Variants in SKAP2 observed in about 807,000 individuals in gnomAD.
The protein encoded by SKAP2 is src kinase associated phosphoprotein 2, also known as src kinase-associated phosphoprotein 2.
SKAP2 carries 28 observed loss-of-function variants against 54.9 expected under a neutral mutation model. That is an observed-to-expected ratio of 0.51 (90% CI 0.38 to 0.70). The LOEUF (loss-of-function observed/expected upper bound fraction) is 0.70. Ranked by LOEUF, SKAP2 falls within the 30% of genes least tolerant of loss-of-function variation. The pLI, the probability that SKAP2 is intolerant of heterozygous loss-of-function variation, is 0.00. For synonymous variants in SKAP2, 137 were observed against 134.3 expected, an observed-to-expected ratio of 1.02 and a Z score of -0.14; for missense variants, 356 against 424.1, an observed-to-expected ratio of 0.84 and a Z score of 1.41.
chr7:26,802,820 G>A (rs1266719722), intron 4 of SKAP2, among the ~76,000 whole-genome samples: 1 of 152,006 alleles, frequency 6.6e-6, no homozygotes, highest in African/African-American at 2.4e-5. Flanking sequence ...GACAGAGGTT[G>A]CAGTGAGTCA....
intron 4 of SKAP2, among the ~76,000 whole-genome samples, chr7:26,824,331 T>C (rs903349126): frequency 2.6e-5 from 4 of 152,158 alleles, no homozygotes; most frequent in Non-Finnish European, 4.4e-5. Context: ...TGGGAGGTAA[T>C]ATAGTAGTAA....
chr7:26,685,438 C>T (rs1286243764), intron 10 of SKAP2, among the ~76,000 whole-genome samples: 1 of 152,148 alleles, frequency 6.6e-6, no homozygotes, highest in East Asian at 1.9e-4. Flanking sequence ...TCTTTAGGGA[C>T]ATTTGTACCC....
At chr7:26,848,254 A>C (rs187767073) in intron 3 of SKAP2, among the ~76,000 whole-genome samples, 1 of 152,310 alleles carries the variant, frequency 6.6e-6, no homozygotes, top group Admixed American at 6.5e-5. Flanking sequence ...GTTTTTTCAA[A>C]ACAGTCCTAT....
intron 4 of SKAP2, among the ~76,000 whole-genome samples, chr7:26,772,557 G>A (rs1002044180): frequency 1.3e-5 from 2 of 152,158 alleles, no homozygotes; most frequent in African/African-American, 2.4e-5. Flanking sequence ...CAAAGGACAT[G>A]ATATCATTTT....
chr7:26,810,835 C>T (rs1156829120), intron 4 of SKAP2, among the ~76,000 whole-genome samples: 2 of 152,102 alleles, frequency 1.3e-5, no homozygotes, highest in African/African-American at 4.8e-5. Context: ...GCACACGCCA[C>T]CATGCCTGGC....
chr7:26,658,007 G>A, the SKAP2 span, among the ~76,000 whole-genome samples: 2 of 152,032 alleles, frequency 1.3e-5, no homozygotes, highest in Non-Finnish European at 2.9e-5. Context: ...GGCATTTGGC[G>A]GTGATCAGAG....
intron 4 of SKAP2, among the ~76,000 whole-genome samples, chr7:26,751,342 CTT>C (rs10542131): frequency 0.055 from 8,390 of 152,106 alleles, 408 homozygotes; most frequent in East Asian, 0.28. Context: ...TTATGACTAA[CTT>C]ATTAACAGAA....
chr7:26,816,094 A>C (rs571263421), intron 4 of SKAP2, among the ~76,000 whole-genome samples: 42 of 152,264 alleles, frequency 2.8e-4, no homozygotes, highest in African/African-American at 9.4e-4. Context: ...TAACTGACTT[A>C]ACACGTTTTC....
chr7:26,667,004 T>C (rs190086371), downstream of SKAP2: 95 of 152,326 alleles, frequency 6.2e-4, 2 homozygotes, highest in African/African-American at 2.2e-3. Flanking sequence ...TTTTCCAAAT[T>C]AATCATAACA....
At chr7:26,745,023 T>C (rs564189973) in intron 4 of SKAP2, among the ~76,000 whole-genome samples, 2 of 152,214 alleles carry the variant, frequency 1.3e-5, no homozygotes, top group African/African-American at 4.8e-5. Flanking sequence ...TGTTCACACT[T>C]TTTTGGTTGT....
At chr7:26,742,710 T>C (rs991724606) in intron 4 of SKAP2, among the ~76,000 whole-genome samples, 2 of 151,108 alleles carry the variant, frequency 1.3e-5, no homozygotes, top group Admixed American at 6.6e-5. Context: ...ATTTGCTTAA[T>C]AGCCATATGA....
intron 4 of SKAP2, among the ~76,000 whole-genome samples, chr7:26,759,240 TC>T (rs1318386267): frequency 6.6e-6 from 1 of 152,230 alleles, no homozygotes; most frequent in African/African-American, 2.4e-5. Context: ...GCTGCTATAA[TC>T]AATCTGTCAG....
At chr7:26,831,843 C>T (rs1198562270) in intron 4 of SKAP2, among the ~76,000 whole-genome samples, 2 of 151,898 alleles carry the variant, frequency 1.3e-5, no homozygotes, top group Admixed American at 6.6e-5. Context: ...AAAATAAATA[C>T]CTGAAGCCAG....
At chr7:26,703,297 T>G (rs1198900560) in intron 9 of SKAP2, among the ~76,000 whole-genome samples, 1 of 152,134 alleles carries the variant, frequency 6.6e-6, no homozygotes, top group African/African-American at 2.4e-5. Context: ...AGCAAAAAAC[T>G]CCCTGCATTC....
chr7:26,671,945 C>G (rs1052333228), intron 11 of SKAP2, among the ~76,000 whole-genome samples: 4 of 152,010 alleles, frequency 2.6e-5, no homozygotes, highest in Admixed American at 2.6e-4. Context: ...AACACACGTA[C>G]TTAACGTTCC....
intron 6 of SKAP2, among the ~76,000 whole-genome samples, chr7:26,729,154 AC>A (rs1367862846): frequency 1.3e-5 from 2 of 151,950 alleles, no homozygotes; most frequent in East Asian, 3.9e-4. Flanking sequence ...TTTTAGCCAA[AC>A]CCCCTAGAAA....
intron 4 of SKAP2, among the ~76,000 whole-genome samples, chr7:26,775,514 C>A (rs1053746648): frequency 7.1e-6 from 1 of 141,572 alleles, no homozygotes; most frequent in Non-Finnish European, 1.5e-5. Context: ...ATTTAGATTT[C>A]CCAGTTTTAC....
chr7:26,861,227 C>G (rs1785265437), intron 1 of SKAP2, among the ~76,000 whole-genome samples: 1 of 131,786 alleles, frequency 7.6e-6, no homozygotes, highest in Non-Finnish European at 1.7e-5. Flanking sequence ...TCTTGCCTGT[C>G]TAGAGAAAAA....
At chr7:26,694,642 C>G (rs1233035701) in intron 9 of SKAP2, among the ~76,000 whole-genome samples, 1 of 149,264 alleles carries the variant, frequency 6.7e-6, no homozygotes, top group Non-Finnish European at 1.5e-5. Context: ...CTTCCAGGAG[C>G]AATCAGACCC....
Sources: gnomAD v4.1 joint callset for allele counts (sites outside exome capture counted in the v4.1 genomes callset) on GRCh38, gnomAD v4.1.1 for gene constraint, MANE v1.5 for transcripts, NCBI Gene and HGNC (gene_info 2026-07-23, HGNC 2026-07-21) for gene names.